THAP2: variants seen among roughly 807,000 people sequenced by gnomAD.
THAP2 encodes THAP domain containing 2.
THAP2 carries 16 observed loss-of-function variants against 18.8 expected under a neutral mutation model. The observed-to-expected ratio is 0.85, with a 90% CI of 0.58 to 1.29. The LOEUF (loss-of-function observed/expected upper bound fraction) is 1.29, where lower values mean the gene tolerates loss of function less well. Ranked by LOEUF, THAP2 falls within the 50% of genes most tolerant of loss-of-function variation. The pLI, the probability that THAP2 is intolerant of heterozygous loss-of-function variation, is 0.00. For missense variants in THAP2, 251 were observed against 265.3 expected, an observed-to-expected ratio of 0.95 and a Z score of 0.38; for synonymous variants, 80 against 89.2, an observed-to-expected ratio of 0.90 and a Z score of 0.58.
chr12:71,669,490 T>A (rs1219052130), intron 1 of THAP2, among the ~76,000 whole-genome samples: 1 of 152,216 alleles, frequency 6.6e-6, no homozygotes, highest in Non-Finnish European at 1.5e-5. Context: ...ACAATGATAG[T>A]ACTTATTCTG....
chr12:71,668,115 T>C (rs1010065777), intron 1 of THAP2, among the ~76,000 whole-genome samples: 1 of 152,230 alleles, frequency 6.6e-6, no homozygotes, highest in Non-Finnish European at 1.5e-5. Context: ...GTGGATAAGG[T>C]TCAAAATTAC....
chr12:71,665,183 T>A (rs928767168), intron 1 of THAP2: 2 of 522,392 alleles, frequency 3.8e-6, no homozygotes, highest in Non-Finnish European at 6.8e-6. Flanking sequence ...TTTAGTTCTG[T>A]CAAACCAGAA....
At chr12:71,668,679 T>C (rs1881383910) in intron 1 of THAP2, among the ~76,000 whole-genome samples, 1 of 152,202 alleles carries the variant, frequency 6.6e-6, no homozygotes, top group Non-Finnish European at 1.5e-5. Flanking sequence ...CTTCAGTGCC[T>C]AGGACAGTGC....
chr12:71,678,918 T>G lies in THAP2; in HGVS notation c.*1810T>G, dbSNP rs528517572. ...TAGATGTAGTTCCTTGGAATTGTCATTACATATTTATTTTTTTCTAGTATG... is the reference window on the plus strand; with the variant it reads ...TAGATGTAGTTCCTTGGAATTGTCAGTACATATTTATTTTTTTCTAGTATG... On this transcript the variant is annotated 3_prime_UTR_variant, in exon 3 of 3. Coordinates refer to ENST00000308086, the MANE Select transcript of THAP2 (RefSeq NM_031435.4). 3.3e-5 allele frequency: 5 copies of G among 152,298 alleles called. No homozygotes were observed. In the East Asian group the frequency reaches 5.8e-4, roughly 18 times the overall value. The allele number at this position is 152,298 out of a possible 1,614,324, so 9.4% of individuals were successfully genotyped here. A position where few individuals can be genotyped will look rare whatever the true frequency, so the allele number is the denominator to read the frequency against.
rs1881567888 is a variant in THAP2 at position 71,679,397 on chromosome 12, C to T, written c.*2289C>T. The stretch of plus-strand genomic sequence containing the variant: ...TGTCTACCTTAAAACTAGCTTTATT[C>T]ACAGAGAAAAACCTAAAAGGAGTCT... On this transcript the variant is annotated 3_prime_UTR_variant, in exon 3 of 3. Coordinates refer to ENST00000308086, the MANE Select transcript of THAP2 (RefSeq NM_031435.4). 6.6e-6 allele frequency: 1 copy of T among 152,014 alleles called. No individual in the cohort carries two copies. Among genetic ancestry groups the T allele is most frequent in the South Asian group, 2.1e-4 (1 of 4,828 alleles). 9.4% of individuals were successfully genotyped at this position (152,014 alleles called of 1,614,324 possible).
intron 1 of THAP2, among the ~76,000 whole-genome samples, chr12:71,666,729 TTTTTTC>T (rs1234423069): frequency 3.3e-5 from 5 of 152,092 alleles, no homozygotes; most frequent in African/African-American, 7.2e-5. Flanking sequence ...TAGTAGACTT[TTTTTTC>T]TTTTTCTTTT....
At chr12:71,671,701 T>A (rs1881441736) in intron 1 of THAP2, among the ~76,000 whole-genome samples, 1 of 152,234 alleles carries the variant, frequency 6.6e-6, no homozygotes, top group South Asian at 2.1e-4. Context: ...TCTATCTTTG[T>A]TGGGGTTTTC....
At position 71,677,100 on chromosome 12, in the gene THAP2, T is replaced by G; in HGVS notation, c.679T>G (p.Phe227Val). Residue 227 changes from phenylalanine (F) to valine (V), a missense_variant, in exon 3 of 3, where the codon TTC (phenylalanine) becomes GTC (valine). Phe to Val is a conservative substitution (Grantham distance 50). Coordinates refer to ENST00000308086, the MANE Select transcript of THAP2 (RefSeq NM_031435.4). ...AAATCTAAAACAGACCAAGAGTACC[T>G]TCATTTAAATTTAGCTTGCACAGAG... ...SLNLKQTKST[F>V]I The G allele has an allele frequency of 6.3e-7, 1 of 1,579,928 alleles. No homozygotes were observed. Among genetic ancestry groups the G allele is most frequent in the South Asian group, 1.2e-5 (1 of 85,864 alleles).
intron 2 of THAP2, among the ~76,000 whole-genome samples, chr12:71,676,425 C>T (rs1253778008): frequency 1.3e-5 from 2 of 151,906 alleles, no homozygotes; most frequent in Non-Finnish European, 2.9e-5. Context: ...TGGAAGAAAC[C>T]TTGGACGTCC....
rs919228230 is a variant in THAP2 at position 71,678,901 on chromosome 12, G to T, written c.*1793G>T. The T allele has an allele frequency of 1.3e-5, 2 of 152,072 alleles. No homozygotes were observed. Among genetic ancestry groups the T allele is most frequent in the Admixed American group, 6.5e-5 (1 of 15,268 alleles). 9.4% of individuals were successfully genotyped at this position (152,072 alleles called of 1,614,324 possible). A position where few individuals can be genotyped will look rare whatever the true frequency, so the allele number is the denominator to read the frequency against. ...ATCTTTATCTTAAGTATTAGATGTAGTTCCTTGGAATTGTCATTACATATT... is the reference window on the plus strand; with the variant it reads ...ATCTTTATCTTAAGTATTAGATGTATTTCCTTGGAATTGTCATTACATATT... On this transcript the variant is annotated 3_prime_UTR_variant, in exon 3 of 3. Transcript: ENST00000308086.
chr12:71,666,414 G>A (rs1001353126), intron 1 of THAP2, among the ~76,000 whole-genome samples: 1 of 152,130 alleles, frequency 6.6e-6, no homozygotes, highest in Non-Finnish European at 1.5e-5. Flanking sequence ...TCCGGAGGCT[G>A]AGGTGGGAGG....
At chr12:71,673,288 A>G in intron 1 of THAP2, among the ~76,000 whole-genome samples, 1 of 151,974 alleles carries the variant, frequency 6.6e-6, no homozygotes, top group African/African-American at 2.4e-5. Flanking sequence ...CTTTTTCTTA[A>G]TTTTTTTGAT....
chr12:71,665,213 C>T (rs1881312192), intron 1 of THAP2: 2 of 453,986 alleles, frequency 4.4e-6, no homozygotes, highest in Non-Finnish European at 3.9e-6. Flanking sequence ...GCACTTTGAA[C>T]AATGCCTGGA....
rs780780965 is a variant in THAP2 at position 71,664,471 on chromosome 12, A to C, written c.-39A>C. ...AAGAAAGCTTAGCAGCCAGCGCCTC[A>C]GTAGAGACCTAAGGGCGCTGAATGA... On this transcript the variant is annotated 5_prime_UTR_variant, in exon 1 of 3. Transcript: ENST00000308086. 9 of 1,613,184 alleles carry C rather than the reference A, an allele frequency of 5.6e-6. No homozygotes were observed. In the South Asian group the frequency reaches 6.6e-5, roughly 12 times the overall value.
intron 1 of THAP2, among the ~76,000 whole-genome samples, chr12:71,666,119 A>C (rs1313226604): frequency 6.6e-6 from 1 of 152,146 alleles, no homozygotes; most frequent in African/African-American, 2.4e-5. Context: ...TTAGAGTAGA[A>C]ATGGAGAGGA....
chr12:71,665,235 A>G (rs1442996518), intron 1 of THAP2: 1 of 398,884 alleles, frequency 2.5e-6, no homozygotes, highest in Non-Finnish European at 4.5e-6. Context: ...AATAACAGGT[A>G]CTCTGTAAAT....
chr12:71,670,067 G>T (rs4760805), intron 1 of THAP2, among the ~76,000 whole-genome samples: 50,469 of 151,810 alleles, frequency 0.33, 10,769 homozygotes, highest in East Asian at 0.82. Context: ...GTATAGGGTT[G>T]AGGGGGATGG....
At chr12:71,674,988 A>T (rs575434461) in intron 2 of THAP2, among the ~76,000 whole-genome samples, 1 of 151,312 alleles carries the variant, frequency 6.6e-6, no homozygotes, top group East Asian at 1.9e-4. Context: ...GAATGAAGAA[A>T]AAATGAAGCA....
In THAP2 at chr12:71,677,304, C is replaced by A; in HGVS notation, c.*196C>A. 2.2e-6 allele frequency: 1 copy of A among 463,356 alleles called. No homozygotes were observed. Among genetic ancestry groups the A allele is most frequent in the Non-Finnish European group, 3.5e-6 (1 of 287,988 alleles). 28.7% of individuals were successfully genotyped at this position (463,356 alleles called of 1,614,324 possible). ...TTTGAAAATGAGTGGAAGTGCCTTA[C>A]ATTAGAATTACGGACTTAAAAATTT... On this transcript the variant is annotated 3_prime_UTR_variant, in exon 3 of 3. Coordinates refer to ENST00000308086, the MANE Select transcript of THAP2 (RefSeq NM_031435.4).
Sources: allele counts gnomAD v4.1 joint callset (sites outside exome capture counted in the v4.1 genomes callset), GRCh38; gene constraint gnomAD v4.1.1; transcripts MANE v1.5; gene names NCBI Gene and HGNC (gene_info 2026-07-23, HGNC 2026-07-21).